SCMH1: variants seen among roughly 807,000 people sequenced by gnomAD.
SCMH1 encodes the protein Scm polycomb group protein homolog 1.
SCMH1 carries 37 observed loss-of-function variants against 70.8 expected under a neutral mutation model. The ratio of observed to expected loss-of-function variants is 0.52; its 90% CI spans 0.40 to 0.69. The LOEUF (loss-of-function observed/expected upper bound fraction) is 0.69, where lower values mean the gene tolerates loss of function less well. Ranked by LOEUF, SCMH1 falls within the 30% of genes least tolerant of loss-of-function variation. The probability of loss-of-function intolerance (pLI) is 0.00; values close to 1 mark genes in which losing one functional copy is unlikely to be tolerated. For synonymous variants in SCMH1, 292 were observed against 307.4 expected (o/e 0.95, Z 0.52); for missense variants, 607 against 827.3 (o/e 0.73, Z 3.27).
chr1:41,180,428 C>T (rs1457230051), intron 2 of SCMH1, among the ~76,000 whole-genome samples: 2 of 152,108 alleles, frequency 1.3e-5, no homozygotes, highest in Non-Finnish European at 2.9e-5. Context: ...TCAAATTGTC[C>T]CTGTTTGCAG....
intron 1 of SCMH1, among the ~76,000 whole-genome samples, chr1:41,188,924 T>A (rs929126628): frequency 6.6e-6 from 1 of 152,146 alleles, no homozygotes; most frequent in South Asian, 2.1e-4. Context: ...AAAAGATGCA[T>A]CAAACATACT....
intron 13 of SCMH1, among the ~76,000 whole-genome samples, 176 bp from the exon 14 acceptor site, chr1:41,034,224 G>A (rs1644961712): frequency 1.6e-5 from 2 of 127,770 alleles, no homozygotes; most frequent in Admixed American, 1.6e-4. Context: ...ATTCCATTTT[G>A]CTGCCCTGCT....
intron 1 of SCMH1, among the ~76,000 whole-genome samples, chr1:41,202,176 C>A (rs1654504054): frequency 6.6e-6 from 1 of 152,086 alleles, no homozygotes; most frequent in South Asian, 2.1e-4. Flanking sequence ...GCTGGGATTA[C>A]AGGTGCCCAC....
chr1:41,089,514 C>G (rs532055097), intron 8 of SCMH1, among the ~76,000 whole-genome samples: 52 of 152,332 alleles, frequency 3.4e-4, no homozygotes, highest in African/African-American at 1.2e-3. Context: ...ACCATCATCT[C>G]TAACCTGGGT....
intron 6 of SCMH1, among the ~76,000 whole-genome samples, chr1:41,139,325 A>G (rs1450028014): frequency 6.6e-6 from 1 of 152,108 alleles, no homozygotes; most frequent in African/African-American, 2.4e-5. Flanking sequence ...TTCCACCTAC[A>G]TAAATTCTTC....
intron 4 of SCMH1, chr1:41,159,589 T>A: frequency 9.9e-7 from 1 of 1,008,632 alleles, no homozygotes; most frequent in Non-Finnish European, 1.3e-6. Flanking sequence ...GAATAGGAAT[T>A]TGAACCTTGG....
At chr1:41,153,145 A>C (rs915448736) in intron 4 of SCMH1, among the ~76,000 whole-genome samples, 4 of 152,230 alleles carry the variant, frequency 2.6e-5, no homozygotes, top group Admixed American at 2.0e-4. Context: ...GAAAGATTAA[A>C]TCAAATAGTA....
intron 13 of SCMH1, among the ~76,000 whole-genome samples, chr1:41,030,493 C>T (rs573596718): frequency 6.6e-6 from 1 of 151,946 alleles, no homozygotes; most frequent in East Asian, 1.9e-4. Flanking sequence ...CTCTGACATG[C>T]AATTTCCTGG....
chr1:41,213,392 T>C (rs796770457), intron 1 of SCMH1, among the ~76,000 whole-genome samples: 18 of 152,248 alleles, frequency 1.2e-4, no homozygotes, highest in African/African-American at 4.1e-4. Flanking sequence ...CCCAAATATT[T>C]TAAGCTGAAG....
At chr1:41,085,838 CTTTTTTTTTT>C (rs59678945) in intron 8 of SCMH1, among the ~76,000 whole-genome samples, 2 of 85,614 alleles carry the variant, frequency 2.3e-5, no homozygotes. Context: ...ATTTCACCTG[CTTTTTTTTTT>C]TTTTTTTTTT....
At chr1:41,069,210 A>G (rs758052929) in intron 10 of SCMH1, among the ~76,000 whole-genome samples, 3 of 152,196 alleles carry the variant, frequency 2.0e-5, no homozygotes, top group Non-Finnish European at 4.4e-5. Context: ...ATTTTGATCT[A>G]ATTAAAATTA....
At chr1:41,099,701 T>C (rs962598320) in intron 8 of SCMH1, among the ~76,000 whole-genome samples, 5 of 152,204 alleles carry the variant, frequency 3.3e-5, no homozygotes, top group Non-Finnish European at 7.3e-5. Flanking sequence ...TGACATGACC[T>C]AGGGACTCCA....
chr1:41,224,717 A>G (rs984926006), intron 1 of SCMH1, among the ~76,000 whole-genome samples: 3 of 152,210 alleles, frequency 2.0e-5, no homozygotes, highest in Non-Finnish European at 2.9e-5. Context: ...CATAGAGCTG[A>G]TAGTAAATAG....
intron 6 of SCMH1, among the ~76,000 whole-genome samples, chr1:41,131,717 C>G (rs957079402): frequency 2.6e-5 from 4 of 152,146 alleles, no homozygotes; most frequent in South Asian, 2.1e-4. Flanking sequence ...TCCCACCCCC[C>G]AGCAGGCCCT....
intron 11 of SCMH1, among the ~76,000 whole-genome samples, chr1:41,047,419 C>G (rs1017015506): frequency 8.3e-6 from 1 of 121,044 alleles, no homozygotes; most frequent in African/African-American, 3.1e-5. Context: ...TTTTTTGAGA[C>G]GGAGTCTTGC....
At chr1:41,051,762 GAGTCAAAA>G (rs1363081069) in intron 10 of SCMH1, among the ~76,000 whole-genome samples, 3 of 152,112 alleles carry the variant, frequency 2.0e-5, no homozygotes, top group Non-Finnish European at 2.9e-5. Flanking sequence ...GTTATTAAAA[GAGTCAAAA>G]AGTTAAAAAG....
intron 6 of SCMH1, among the ~76,000 whole-genome samples, chr1:41,123,364 T>A (rs148486610): frequency 6.6e-6 from 1 of 152,214 alleles, no homozygotes; most frequent in Admixed American, 6.5e-5. Context: ...GAAGTTACTG[T>A]ATATACTAAA....
intron 1 of SCMH1, among the ~76,000 whole-genome samples, chr1:41,207,014 C>T (rs1655714456): frequency 6.6e-6 from 1 of 152,174 alleles, no homozygotes; most frequent in Non-Finnish European, 1.5e-5. Flanking sequence ...ACCACCAGGC[C>T]TGCCTTACAA....
At chr1:41,046,694 C>A in intron 11 of SCMH1, 96 bp from the exon 12 acceptor site, 1 of 934,152 alleles carries the variant, frequency 1.1e-6, no homozygotes. Flanking sequence ...CTCAGGCTTA[C>A]CTGGTTACAC....
Sources: allele counts gnomAD v4.1 joint callset (sites outside exome capture counted in the v4.1 genomes callset), GRCh38; gene constraint gnomAD v4.1.1; transcripts MANE v1.5; gene names NCBI Gene and HGNC (gene_info 2026-07-23, HGNC 2026-07-21).